ST7: variants seen among roughly 807,000 people sequenced by gnomAD.
ST7 encodes the protein suppression of tumorigenicity 7.
A neutral mutation model predicts 78.7 loss-of-function variants in ST7; 28 were observed. The observed-to-expected ratio is 0.36, with a 90% CI of 0.26 to 0.49. The LOEUF is 0.49. Among genes scored for constraint, ST7 ranks in the 20% least tolerant of loss-of-function variants. The pLI is 0.99. For missense variants in ST7, 418 were observed against 696.0 expected, an observed-to-expected ratio of 0.60 and a Z score of 4.49; for synonymous variants, 247 against 249.6, an observed-to-expected ratio of 0.99 and a Z score of 0.10.
At chr7:116,959,237 TCAAGTTTTA>T (rs1426226597) in intron 1 of ST7, 1 of 471,026 alleles carries the variant, frequency 2.1e-6, no homozygotes, top group Admixed American at 2.3e-5. Context: ...CTTTATCCGT[TCAAGTTTTA>T]CAAGGAATTA....
chr7:117,116,749 TC>T (rs1237468225), intron 2 of ST7, among the ~76,000 whole-genome samples: 1 of 152,144 alleles, frequency 6.6e-6, no homozygotes, highest in African/African-American at 2.4e-5. Context: ...CTCCTTTTCC[TC>T]CCCAAGCAGC....
intron 2 of ST7, among the ~76,000 whole-genome samples, chr7:117,114,927 C>G (rs559469206): frequency 2.9e-4 from 44 of 152,286 alleles, no homozygotes; most frequent in African/African-American, 1.0e-3. Context: ...AGCTGGAAAC[C>G]TGGGTCTCTG....
At chr7:117,155,937 C>T (rs970771456) in intron 9 of ST7, among the ~76,000 whole-genome samples, 9 of 152,204 alleles carry the variant, frequency 5.9e-5, no homozygotes, top group Admixed American at 5.2e-4. Context: ...AAGCTTTCCC[C>T]AGCATGCTTC....
At chr7:117,011,522 G>A (rs973044276) in intron 1 of ST7, among the ~76,000 whole-genome samples, 2 of 152,166 alleles carry the variant, frequency 1.3e-5, no homozygotes, top group Non-Finnish European at 2.9e-5. Context: ...ATACATACAG[G>A]GGTTCTAGAA....
intron 1 of ST7, among the ~76,000 whole-genome samples, chr7:116,982,209 A>G (rs1171316560): frequency 6.6e-6 from 1 of 151,404 alleles, no homozygotes; most frequent in East Asian, 1.9e-4. Context: ...TCTTCTTTTT[A>G]CTTCTTTTTT....
At chr7:116,959,234 C>G (rs145338255) in intron 1 of ST7, 4 of 470,778 alleles carry the variant, frequency 8.5e-6, no homozygotes, top group Non-Finnish European at 1.8e-5. Flanking sequence ...GCTCTTTATC[C>G]GTTCAAGTTT....
At chr7:116,983,658 G>A (rs987224826) in intron 1 of ST7, among the ~76,000 whole-genome samples, 1 of 151,978 alleles carries the variant, frequency 6.6e-6, no homozygotes, top group Admixed American at 6.6e-5. Flanking sequence ...CGCATGCATC[G>A]ATGCTGTCCT....
At position 117,020,889 on chromosome 7, in the gene ST7, G is replaced by T. The variant is rs1301971356; in HGVS notation, c.151+67198G>T. On this transcript the variant is annotated intron_variant, in intron 1 of 15. Coordinates refer to ENST00000323984, the MANE Select transcript of ST7 (RefSeq NM_001369598.1). ...AGAATCCATACAGCCACCCTAGAATGTGTTAATTGATGGGATCAGGCCTGT... is the reference window on the plus strand; with the variant it reads ...AGAATCCATACAGCCACCCTAGAATTTGTTAATTGATGGGATCAGGCCTGT... Among the ~76,000 whole-genome samples the T allele has an allele frequency of 3.3e-5, 5 of 152,158 alleles. No homozygotes were observed. The East Asian group carries it at 9.6e-4, about 29-fold the overall frequency.
chr7:117,116,347 A>G (rs1269126867), intron 2 of ST7, among the ~76,000 whole-genome samples: 1 of 152,142 alleles, frequency 6.6e-6, no homozygotes, highest in African/African-American at 2.4e-5. Flanking sequence ...TGTTTATGAG[A>G]GCTTTGCTGT....
intron 9 of ST7, among the ~76,000 whole-genome samples, chr7:117,147,191 A>G (rs1805862193): frequency 6.6e-6 from 1 of 151,832 alleles, no homozygotes; most frequent in Non-Finnish European, 1.5e-5. Context: ...ATCATATTCC[A>G]TGTTGTGTTC....
chr7:117,031,897 T>TGGCAATGGAGTCTTGCTTTG (rs1796617261), intron 1 of ST7, among the ~76,000 whole-genome samples: 1 of 123,980 alleles, frequency 8.1e-6, no homozygotes, highest in Non-Finnish European at 1.8e-5. Flanking sequence ...TTTTTTTTTT[T>TGGCAATGGAGTCTTGCTTTG]TGGCAATGGA....
rs1173484987 is a variant in ST7, at chr7:117,093,419, AG to A, written c.152-6341del. ...CTATAGTAATATAAGATGCCAAATCAGGCCGGGTGCAGTGGCTCACACCTGT... is the reference window on the plus strand; with the variant it reads ...CTATAGTAATATAAGATGCCAAATCAGCCGGGTGCAGTGGCTCACACCTGT... On this transcript the variant is annotated intron_variant, in intron 1 of 15. Coordinates refer to ENST00000323984, the MANE Select transcript of ST7 (RefSeq NM_001369598.1). Among the ~76,000 whole-genome samples, 8 of 152,334 alleles carry A rather than the reference AG, an allele frequency of 5.3e-5. No homozygotes were observed. The East Asian group carries it at 1.5e-3, about 29-fold the overall frequency.
At chr7:116,988,188 G>A (rs1794268547) in intron 1 of ST7, among the ~76,000 whole-genome samples, 1 of 152,060 alleles carries the variant, frequency 6.6e-6, no homozygotes, top group Non-Finnish European at 1.5e-5. Context: ...TTCTATAGGA[G>A]GCCTCCTATT....
At chr7:117,091,636 G>A (rs1800623918) in intron 1 of ST7, among the ~76,000 whole-genome samples, 1 of 152,040 alleles carries the variant, frequency 6.6e-6, no homozygotes, top group Non-Finnish European at 1.5e-5. Flanking sequence ...ACCCTTTCTC[G>A]GCATACTGCA....
intron 3 of ST7, 134 bp from the exon 4 acceptor site, chr7:117,129,659 C>T: frequency 1.4e-6 from 1 of 727,038 alleles, no homozygotes; most frequent in Admixed American, 2.6e-5. Flanking sequence ...AGAGTTTTTC[C>T]ACATTGCTTC....
intron 12 of ST7, chr7:117,191,598 T>C (rs966800273): frequency 1.3e-5 from 2 of 152,212 alleles, no homozygotes; most frequent in African/African-American, 4.8e-5. Context: ...GAATGTGTAT[T>C]TATTATTTAC....
chr7:116,956,251 CTCCCCTTTGGGAAAAA>C (rs1167883295), intron 1 of ST7, among the ~76,000 whole-genome samples: 1 of 152,208 alleles, frequency 6.6e-6, no homozygotes. Flanking sequence ...GCCAATTCCC[CTCCCCTTTGGGAAAAA>C]GTTTCTGTAC....
chr7:117,080,073 C>T (rs907184952), intron 1 of ST7, among the ~76,000 whole-genome samples: 8 of 148,690 alleles, frequency 5.4e-5, no homozygotes, highest in African/African-American at 1.7e-4. Context: ...CTCCGCCTCC[C>T]GGGTTCACGC....
intron 2 of ST7, among the ~76,000 whole-genome samples, chr7:117,111,121 GA>G (rs1802394659): frequency 6.6e-6 from 1 of 152,146 alleles, no homozygotes; most frequent in Non-Finnish European, 1.5e-5. Flanking sequence ...GCCAGGCCTC[GA>G]AATGAACCCA....
Sources: gnomAD v4.1 joint callset for allele counts (sites outside exome capture counted in the v4.1 genomes callset) on GRCh38, gnomAD v4.1.1 for gene constraint, MANE v1.5 for transcripts, NCBI Gene and HGNC (gene_info 2026-07-23, HGNC 2026-07-21) for gene names.